The following TMEM163 variants were observed in gnomAD, a reference collection of about 807,000 sequenced individuals.
TMEM163 encodes the protein transmembrane protein 163.
Under a neutral mutation model 29.3 loss-of-function variants are expected in TMEM163, and 17 were observed. The ratio of observed to expected loss-of-function variants is 0.58; its 90% CI spans 0.40 to 0.87. The LOEUF (loss-of-function observed/expected upper bound fraction) is 0.87. Ranked by LOEUF, TMEM163 falls within the 40% of genes least tolerant of loss-of-function variation. The pLI, the probability that TMEM163 is intolerant of heterozygous loss-of-function variation, is 0.00. For missense variants in TMEM163, 303 were observed against 381.5 expected (o/e 0.79, Z 1.71); for synonymous variants, 157 against 160.6 (o/e 0.98, Z 0.17).
Position 134,550,611 on chromosome 2 carries a change from G to C in TMEM163, c.417C>G (p.Tyr139Ter). 2 of 1,614,216 alleles carry C rather than the reference G, an allele frequency of 1.2e-6. No homozygotes were observed. Among genetic ancestry groups the C allele is most frequent in the Non-Finnish European group, 1.7e-6 (2 of 1,180,024 alleles). ...VLSSAIVLWR[Y>*]SNAAAVHSAH... ...CAGAGTGCACAGCGGCCGCGTTGCT[G>C]TAACGCCACAGGACAATCGCCGATG... Residue 139 changes from tyrosine to a stop codon, truncating the protein, a stop_gained, in exon 4 of 8, where the codon TAC becomes TAG. Coordinates refer to ENST00000281924, the MANE Select transcript of TMEM163 (RefSeq NM_030923.5). LOFTEE classifies it high-confidence loss of function.
intron 5 of TMEM163, among the ~76,000 whole-genome samples, chr2:134,495,510 C>T (rs17787416): frequency 0.13 from 20,286 of 152,262 alleles, 1,701 homozygotes; most frequent in Middle Eastern, 0.3. Flanking sequence ...ACAGGTTGAA[C>T]ACTGAACATG....
chr2:134,493,074 T>TC (rs1679464505), intron 5 of TMEM163, among the ~76,000 whole-genome samples: 1 of 152,292 alleles, frequency 6.6e-6, no homozygotes, highest in Non-Finnish European at 1.5e-5. Context: ...TAATTTGTTA[T>TC]CCCCCAATGA....
At chr2:134,575,110 A>G (rs1681522369) in intron 2 of TMEM163, among the ~76,000 whole-genome samples, 1 of 151,890 alleles carries the variant, frequency 6.6e-6, no homozygotes, top group Admixed American at 6.6e-5. Context: ...CAGAGGGAGG[A>G]AGGGAACGCA....
Position 134,493,439 on chromosome 2 carries a change from T to C in TMEM163, c.555+9462A>G, listed in dbSNP as rs1679474441. On this transcript the variant is annotated intron_variant, in intron 5 of 7. Transcript: ENST00000281924. ...CCCAGTCTGGAGTACAGTGGTGCAG[T>C]CTCAGCTCACTGCAACCTCTGTCTC... Among the ~76,000 whole-genome samples, 8 of 136,900 alleles carry C rather than the reference T, an allele frequency of 5.8e-5. No homozygotes were observed. In the South Asian group the frequency reaches 2.1e-3, roughly 36 times the overall value. The allele number at this position is 136,900 out of a possible 152,430, so 89.8% of individuals were successfully genotyped here. A position where few individuals can be genotyped will look rare whatever the true frequency, so the allele number is the denominator to read the frequency against.
chr2:134,630,944 A>T (rs1682954138), intron 2 of TMEM163, among the ~76,000 whole-genome samples: 1 of 152,168 alleles, frequency 6.6e-6, no homozygotes, highest in Non-Finnish European at 1.5e-5. Flanking sequence ...CTGAGCTAAG[A>T]CAGGCTATGC....
intron 2 of TMEM163, among the ~76,000 whole-genome samples, chr2:134,592,784 G>A (rs552166139): frequency 6.6e-6 from 1 of 151,350 alleles, no homozygotes; most frequent in South Asian, 2.1e-4. Context: ...TAGAGATACA[G>A]ATATTAATAT....
chr2:134,510,694 A>G (rs1394510919), intron 4 of TMEM163, among the ~76,000 whole-genome samples: 2 of 152,176 alleles, frequency 1.3e-5, no homozygotes, highest in African/African-American at 4.8e-5. Context: ...CGGTGCATCC[A>G]AGAGCAGGAA....
intron 2 of TMEM163, among the ~76,000 whole-genome samples, chr2:134,686,714 G>A (rs1463515677): frequency 1.3e-5 from 2 of 152,214 alleles, no homozygotes; most frequent in Non-Finnish European, 2.9e-5. Flanking sequence ...GCGTGGAAGT[G>A]AAAAGCTGTG....
chr2:134,458,307 GCCACCAC>G, intron 6 of TMEM163, 134 bp from the exon 7 acceptor site: 3 of 1,039,542 alleles, frequency 2.9e-6, no homozygotes, highest in Non-Finnish European at 4.2e-6. Flanking sequence ...ACGAGTGATA[GCCACCAC>G]CTGGGCCCAT....
At chr2:134,623,327 T>C (rs1682781140) in intron 2 of TMEM163, among the ~76,000 whole-genome samples, 1 of 152,194 alleles carries the variant, frequency 6.6e-6, no homozygotes, top group African/African-American at 2.4e-5. Context: ...TACCCAATCT[T>C]ATACTTGAGT....
intron 2 of TMEM163, among the ~76,000 whole-genome samples, chr2:134,630,669 T>C (rs78716278): frequency 0.085 from 12,896 of 152,264 alleles, 620 homozygotes; most frequent in South Asian, 0.16. Flanking sequence ...AACAGGGGTC[T>C]GACAGCCAGG....
At chr2:134,718,026 T>C (rs114357163) in intron 1 of TMEM163, among the ~76,000 whole-genome samples, 2,929 of 151,934 alleles carry the variant, frequency 0.019, 92 homozygotes, top group African/African-American at 0.066. Flanking sequence ...CTCTGAAGGG[T>C]CTGCAGACGC....
chr2:134,464,990 G>A lies in TMEM163; in HGVS notation c.667+1124C>T, dbSNP rs139267764. Among the ~76,000 whole-genome samples, 781 of 152,162 alleles carry A rather than the reference G, an allele frequency of 5.1e-3. 6 individuals carry two copies. Among genetic ancestry groups the A allele is most frequent in the African/African-American group, 0.018 (740 of 41,472 alleles). Reference sequence around the variant, plus strand: ...GCCCCACAACTGTCACTGTCACCATGCATGTCTGCACTCCACACTTCACAC... The same window carrying A: ...GCCCCACAACTGTCACTGTCACCATACATGTCTGCACTCCACACTTCACAC... On this transcript the variant is annotated intron_variant, in intron 6 of 7. Coordinates refer to ENST00000281924, the MANE Select transcript of TMEM163 (RefSeq NM_030923.5).
At chr2:134,614,125 ACAAATATGT>A (rs1192977663) in intron 2 of TMEM163, among the ~76,000 whole-genome samples, 2 of 152,230 alleles carry the variant, frequency 1.3e-5, no homozygotes, top group Non-Finnish European at 2.9e-5. Flanking sequence ...AAGAAGACAG[ACAAATATGT>A]CAATGAAACA....
intron 2 of TMEM163, among the ~76,000 whole-genome samples, chr2:134,711,995 T>C (rs1684937515): frequency 1.3e-5 from 2 of 152,360 alleles, no homozygotes; most frequent in South Asian, 4.1e-4. Flanking sequence ...CAGCTTGTTA[T>C]TCTTGTTACA....
rs1447160331 is a variant in TMEM163 at position 134,651,261 on chromosome 2, T to C, written c.322+61939A>G. ...CTAACTGGTGTGAGATGGTATCTCA[T>C]TGTGGTTTTGATTTGCATTTCTCTG... On this transcript the variant is annotated intron_variant, in intron 2 of 7. Transcript: ENST00000281924. Among the ~76,000 whole-genome samples, 224 of 130,802 alleles carry C rather than the reference T, an allele frequency of 1.7e-3. 20 individuals carry two copies. Among genetic ancestry groups the C allele is most frequent in the African/African-American group, 7.0e-3 (206 of 29,316 alleles). 85.8% of individuals were successfully genotyped at this position (130,802 alleles called of 152,430 possible).
Position 134,521,774 on chromosome 2 carries a change from T to C in TMEM163, c.459-18777A>G, listed in dbSNP as rs146019754. 1.4e-3 allele frequency among the ~76,000 whole-genome samples: 217 copies of C among 152,264 alleles called. 1 individual carries two copies. The Middle Eastern group carries it at 0.017, about 12-fold the overall frequency. The stretch of plus-strand genomic sequence containing the variant: ...ATCAACTTCGCTGAAGAGCATCCTA[T>C]AATCCCAGGATCGGGGACATATCAG... On this transcript the variant is annotated intron_variant, in intron 4 of 7. Transcript: ENST00000281924.
intron 4 of TMEM163, 87 bp downstream of exon 4, chr2:134,550,483 T>C (rs1304386246): frequency 7.7e-7 from 1 of 1,299,326 alleles, no homozygotes; most frequent in Non-Finnish European, 1.1e-6. Flanking sequence ...GGACAAAAGC[T>C]GCAGGGCAAG....
chr2:134,578,199 G>A (rs186244949), intron 2 of TMEM163, among the ~76,000 whole-genome samples: 27 of 152,226 alleles, frequency 1.8e-4, no homozygotes, highest in African/African-American at 6.3e-4. Flanking sequence ...ATTCTGGCAG[G>A]CTTTCATTAA....
Sources: gnomAD v4.1 joint callset for allele counts (sites outside exome capture counted in the v4.1 genomes callset) on GRCh38, gnomAD v4.1.1 for gene constraint, MANE v1.5 for transcripts, NCBI Gene and HGNC (gene_info 2026-07-23, HGNC 2026-07-21) for gene names.